AUTS2: variants seen among roughly 807,000 people sequenced by gnomAD.
The protein encoded by AUTS2 is autism susceptibility gene 2 protein.
In AUTS2, 17 loss-of-function variants were observed where a neutral mutation model predicts 112.4. The observed-to-expected ratio is 0.15, with a 90% CI of 0.10 to 0.23. The LOEUF is 0.23. Among genes scored for constraint, AUTS2 ranks in the 10% least tolerant of loss-of-function variants. The pLI is 1.00. For missense variants in AUTS2, 1,510 were observed against 1,701.6 expected (o/e 0.89, Z 1.98); for synonymous variants, 751 against 702.7 (o/e 1.07, Z -1.09).
chr7:70,417,279 G>A (rs1198876473), intron 4 of AUTS2, among the ~76,000 whole-genome samples: 1 of 152,224 alleles, frequency 6.6e-6, no homozygotes, highest in Non-Finnish European at 1.5e-5. Context: ...CAGCGGGAGA[G>A]GAAAACCATT....
At chr7:70,423,525 A>G (rs2130718931) in intron 4 of AUTS2, among the ~76,000 whole-genome samples, 1 of 152,376 alleles carries the variant, frequency 6.6e-6, no homozygotes, top group Non-Finnish European at 1.5e-5. Context: ...TATGCATAGC[A>G]TAACTTACAA....
chr7:70,435,743 C>G lies in AUTS2; in HGVS notation c.661-9C>G. On this transcript the variant is annotated splice_polypyrimidine_tract_variant and intron_variant, in intron 4 of 18. Coordinates refer to ENST00000342771, the MANE Select transcript of AUTS2 (RefSeq NM_015570.4). ...GCACTAACCCTTATTCTCTTGTCTT[C>G]ATTTTCAGTGTGACAGTGACAGTGA... is the stretch of plus-strand genomic sequence containing the variant. 1 of 1,614,074 alleles carries G rather than the reference C, an allele frequency of 6.2e-7. No homozygotes were observed. The highest frequency in any genetic ancestry group is 1.3e-5 in the African/African-American group (1 of 75,028).
intron 4 of AUTS2, among the ~76,000 whole-genome samples, chr7:70,340,194 A>ACACACACACACAC (rs942358361): frequency 2.0e-5 from 3 of 151,006 alleles, no homozygotes; most frequent in African/African-American, 7.3e-5. Context: ...ACACACACAC[A>ACACACACACACAC]CCCCGTAATA....
chr7:69,737,976 G>A (rs1787105366), intron 1 of AUTS2, among the ~76,000 whole-genome samples: 1 of 152,054 alleles, frequency 6.6e-6, no homozygotes, highest in Non-Finnish European at 1.5e-5. Context: ...GGGATCCACA[G>A]ATCCCTCACC....
intron 2 of AUTS2, among the ~76,000 whole-genome samples, chr7:69,978,859 AAC>A (rs71068004): frequency 0.039 from 5,115 of 129,628 alleles, 114 homozygotes; most frequent in African/African-American, 0.057. Flanking sequence ...TCAAAGAAAC[AAC>A]ACACACACAC....
At chr7:70,763,715 G>A (rs1309227126) in intron 7 of AUTS2, among the ~76,000 whole-genome samples, 5 of 152,130 alleles carry the variant, frequency 3.3e-5, no homozygotes, top group Non-Finnish European at 7.4e-5. Flanking sequence ...TTTCAAGAGA[G>A]GCTCTCTGCC....
rs550598843 is a variant in AUTS2, at chr7:70,629,925, G to A, written c.691-68644G>A. On this transcript the variant is annotated intron_variant, in intron 5 of 18. Transcript: ENST00000342771. ...GATTTATACCATAAATATTGGAGTC[G>A]TGTAGTCCATATTTCAATTAATGGA... Among the ~76,000 whole-genome samples, 30 of 152,170 alleles carry A rather than the reference G, an allele frequency of 2.0e-4. 1 individual carries two copies. The highest frequency in any genetic ancestry group is 4.4e-5 in the Non-Finnish European group (3 of 68,030).
chr7:70,763,395 G>A (rs1375781812), intron 7 of AUTS2, 54 bp downstream of exon 7: 55 of 1,346,970 alleles, frequency 4.1e-5, no homozygotes, highest in Non-Finnish European at 5.5e-5. Context: ...TGGGGATCAG[G>A]TGGGTGGGAG....
At chr7:69,713,738 A>G (rs1268475247) in intron 1 of AUTS2, among the ~76,000 whole-genome samples, 1 of 152,034 alleles carries the variant, frequency 6.6e-6, no homozygotes, top group African/African-American at 2.4e-5. Context: ...TGGGATTACA[A>G]GTGTGAACCA....
chr7:70,004,861 G>A (rs930070583), intron 2 of AUTS2, among the ~76,000 whole-genome samples: 2 of 151,310 alleles, frequency 1.3e-5, no homozygotes, highest in South Asian at 2.1e-4. Context: ...TTTCGCTCTC[G>A]TTGCCCAGGC....
chr7:69,627,506 A>C (rs944646305), intron 1 of AUTS2, among the ~76,000 whole-genome samples: 1 of 152,098 alleles, frequency 6.6e-6, no homozygotes, highest in Non-Finnish European at 1.5e-5. Flanking sequence ...AAACCCCAAA[A>C]AAACAAACAA....
intron 1 of AUTS2, among the ~76,000 whole-genome samples, chr7:69,602,040 A>ATATATATATG (rs1474403063): frequency 1.9e-4 from 9 of 46,256 alleles, no homozygotes; most frequent in Admixed American, 1.4e-3. Flanking sequence ...ATATATATAT[A>ATATATATATG]TGTGTGTGTG....
Position 70,790,757 on chromosome 7 carries a change from C to A in AUTS2, c.3541C>A (p.His1181Asn), listed in dbSNP as rs1485784986. ...HPASLDGHLP[H>N]PSLITPGLPS... Reference sequence around the variant, plus strand: ...CGCCTCCCTCGACGGACACCTCCCCCACCCCAGCCTCATCACCCCGGGACT... The same window carrying A: ...CGCCTCCCTCGACGGACACCTCCCCAACCCCAGCCTCATCACCCCGGGACT... The change falls in exon 19 of 19, where the codon CAC (histidine) becomes AAC (asparagine). Residue 1181 changes from histidine to asparagine, a missense_variant. Physicochemically the swap from His to Asn is moderately conservative, Grantham distance 68. This residue lies in a region of AUTS2 where 788 missense variants were observed against 797.6 expected (regional missense o/e 0.99). Coordinates refer to ENST00000342771, the MANE Select transcript of AUTS2 (RefSeq NM_015570.4). The surrounding 1 kb of genome is among the most constrained non-coding windows in gnomAD (Gnocchi z 7.6). The A allele has an allele frequency of 4.3e-6, 7 of 1,613,338 alleles. No individual in the cohort carries two copies. Among genetic ancestry groups the A allele is most frequent in the South Asian group, 1.1e-5 (1 of 91,034 alleles).
intron 15 of AUTS2, chr7:70,783,389 T>A (rs1400085860): frequency 2.0e-5 from 3 of 150,484 alleles, no homozygotes; most frequent in African/African-American, 7.3e-5. Flanking sequence ...CTGTACTGAG[T>A]GGCTTCCTCT....
chr7:70,774,095 C>T lies in AUTS2; in HGVS notation c.1898C>T (p.Pro633Leu), dbSNP rs146659460. 40 of 1,614,030 alleles carry T rather than the reference C, an allele frequency of 2.5e-5. No individual in the cohort carries two copies. Among genetic ancestry groups the T allele is most frequent in the African/African-American group, 2.3e-4 (17 of 74,916 alleles). ...TVPHTLLQKD[P>L]RLTDPFRPML... ...CCACACACTTTACTCCAAAAGGACC[C>T]GAGGGTACGTGCAAAGTCAGGCTTG... Residue 633 changes from proline (P) to leucine (L), a missense_variant, in exon 12 of 19, where the codon CCG becomes CTG. Pro to Leu is a moderately conservative substitution (Grantham distance 98). Around this residue, in one of 3 missense-constraint regions of AUTS2, gnomAD observed 187 missense variants for 309.7 expected, o/e 0.60. Coordinates refer to ENST00000342771, the MANE Select transcript of AUTS2 (RefSeq NM_015570.4).
At chr7:70,626,905 C>T (rs536080829) in intron 5 of AUTS2, among the ~76,000 whole-genome samples, 1 of 152,292 alleles carries the variant, frequency 6.6e-6, no homozygotes, top group South Asian at 2.1e-4. Context: ...TGTCTTTATC[C>T]AGTCCACCGT....
chr7:70,422,773 C>G (rs1795277704), intron 4 of AUTS2, among the ~76,000 whole-genome samples: 1 of 151,834 alleles, frequency 6.6e-6, no homozygotes, highest in African/African-American at 2.4e-5. Flanking sequence ...GAGACTCTGT[C>G]TCAAGAAAAA....
At chr7:70,103,110 A>G (rs1367602386) in intron 2 of AUTS2, among the ~76,000 whole-genome samples, 4 of 152,214 alleles carry the variant, frequency 2.6e-5, no homozygotes, top group Non-Finnish European at 5.9e-5. Flanking sequence ...TGGTCAGTAA[A>G]TCAGAAAAAT....
chr7:69,920,002 A>C (rs926781937), intron 2 of AUTS2, among the ~76,000 whole-genome samples: 2 of 141,030 alleles, frequency 1.4e-5, no homozygotes, highest in Non-Finnish European at 3.0e-5. Flanking sequence ...GGTCTTATGT[A>C]TACAATTTTT....
Sources: allele counts gnomAD v4.1 joint callset (sites outside exome capture counted in the v4.1 genomes callset), GRCh38; gene constraint gnomAD v4.1.1; regional missense constraint gnomAD v4.1.1; non-coding constraint Gnocchi (gnomAD v3.1); transcripts MANE v1.5; gene names NCBI Gene and HGNC (gene_info 2026-07-23, HGNC 2026-07-21).